COA1: variants seen among roughly 807,000 people sequenced by gnomAD.
The protein encoded by COA1 is cytochrome c oxidase assembly factor 1, also known as cytochrome c oxidase assembly factor 1 homolog.
Under a neutral mutation model 16.0 loss-of-function variants are expected in COA1, and 13 were observed. The observed-to-expected ratio is 0.81, with a 90% CI of 0.53 to 1.29. COA1 has a LOEUF of 1.29. COA1 is among the 50% of genes most tolerant of loss of function. COA1 has a pLI of 0.00. For synonymous variants in COA1, 65 were observed against 65.7 expected (o/e 0.99, Z 0.05); for missense variants, 179 against 177.0 (o/e 1.01, Z -0.06).
At chr7:43,666,536 A>G (rs565353677) in intron 1 of COA1, among the ~76,000 whole-genome samples, 2 of 152,248 alleles carry the variant, frequency 1.3e-5, no homozygotes, top group Non-Finnish European at 2.9e-5. Context: ...ATTGGCTTAA[A>G]GAAAAATAAG....
chr7:43,725,661 C>G (rs1171260496), intron 1 of COA1, among the ~76,000 whole-genome samples: 1 of 152,068 alleles, frequency 6.6e-6, no homozygotes, highest in Admixed American at 6.6e-5. Flanking sequence ...AGTTCCAGAC[C>G]AACCTAGCCA....
intron 1 of COA1, among the ~76,000 whole-genome samples, chr7:43,727,461 A>AC (rs575809406): frequency 1.1e-4 from 17 of 152,268 alleles, no homozygotes; most frequent in Non-Finnish European, 2.4e-4. Context: ...AAAAGGTGGA[A>AC]ACAATCCAAA....
chr7:43,682,971 C>T lies in COA1; in HGVS notation c.-38-34319G>A, dbSNP rs556953380. On this transcript the variant is annotated intron_variant, in intron 1 of 5. Transcript: ENST00000223336. ...TTCTAGTGATCTTGTGCCTCAGCCT[C>T]CTGAATAGCTGGGTTTACAGGTGCC... Among the ~76,000 whole-genome samples, 277 of 152,276 alleles carry T rather than the reference C, an allele frequency of 1.8e-3. 2 individuals carry two copies. The highest frequency in any genetic ancestry group is 6.1e-3 in the African/African-American group (255 of 41,558).
At chr7:43,696,047 G>A (rs1214969315) in intron 1 of COA1, among the ~76,000 whole-genome samples, 3 of 152,168 alleles carry the variant, frequency 2.0e-5, no homozygotes, top group Admixed American at 2.0e-4. Context: ...AATCACGGCG[G>A]AAGACAAGGA....
At chr7:43,659,390 A>G (rs2092192718) in intron 1 of COA1, among the ~76,000 whole-genome samples, 1 of 152,250 alleles carries the variant, frequency 6.6e-6, no homozygotes, top group Admixed American at 6.5e-5. Flanking sequence ...TGATTTCTAA[A>G]TCATTAGTCA....
chr7:43,681,010 C>T lies in COA1; in HGVS notation c.-38-32358G>A, dbSNP rs555837076. 5.9e-5 allele frequency among the ~76,000 whole-genome samples: 9 copies of T among 152,238 alleles called. No individual in the cohort carries two copies. In the South Asian group the frequency reaches 1.0e-3, roughly 18 times the overall value. ...CTTTTCAGCTCAAGAAAGTTTCCTT[C>T]TGCTTTTATATTTTGCTTCTGTTCC... On this transcript the variant is annotated intron_variant, in intron 1 of 5. Coordinates refer to ENST00000223336, the MANE Select transcript of COA1 (RefSeq NM_018224.4).
chr7:43,658,288 G>A (rs1175116946), intron 1 of COA1, among the ~76,000 whole-genome samples: 1 of 151,930 alleles, frequency 6.6e-6, no homozygotes, highest in Non-Finnish European at 1.5e-5. Context: ...GAACTTGAGA[G>A]GCAGAGCCTG....
intron 1 of COA1, among the ~76,000 whole-genome samples, chr7:43,661,310 G>A (rs1273469021): frequency 6.6e-6 from 1 of 152,180 alleles, no homozygotes; most frequent in African/African-American, 2.4e-5. Flanking sequence ...TACTAGATTT[G>A]TGGTAGGTAA....
rs544170687 is a variant in COA1, at chr7:43,717,709, T to C, written c.-39+11720A>G. 1.1e-4 allele frequency among the ~76,000 whole-genome samples: 16 copies of C among 152,124 alleles called. No individual in the cohort carries two copies. In the South Asian group the frequency reaches 2.9e-3, roughly 28 times the overall value. ...GGCAGGGGCCGGGGGGGGAACAATA[T>C]GGTTTGGCTCTATGTCCCTATTCAA... is the stretch of plus-strand genomic sequence containing the variant. On this transcript the variant is annotated intron_variant, in intron 1 of 5. Coordinates refer to ENST00000223336, the MANE Select transcript of COA1 (RefSeq NM_018224.4).
intron 1 of COA1, among the ~76,000 whole-genome samples, chr7:43,693,773 T>A (rs1346158979): frequency 1.3e-5 from 2 of 152,084 alleles, no homozygotes; most frequent in Non-Finnish European, 2.9e-5. Context: ...ACCCCAATCC[T>A]GGATAAATCC....
At chr7:43,617,993 G>GA (rs2083498862) in intron 6 of COA1, among the ~76,000 whole-genome samples, 1 of 152,124 alleles carries the variant, frequency 6.6e-6, no homozygotes, top group African/African-American at 2.4e-5. Flanking sequence ...GAGGGGTCCA[G>GA]AAAAAAGCAT....
At chr7:43,652,271 T>C (rs2090970989) in intron 1 of COA1, among the ~76,000 whole-genome samples, 2 of 152,142 alleles carry the variant, frequency 1.3e-5, no homozygotes. Context: ...AAATCAGCGC[T>C]TTGCCAAGCA....
At chr7:43,672,773 C>CAAAAA (rs34219718) in intron 1 of COA1, among the ~76,000 whole-genome samples, 1 of 100,826 alleles carries the variant, frequency 9.9e-6, no homozygotes, top group Non-Finnish European at 2.0e-5. Flanking sequence ...CATCTCAAAC[C>CAAAAA]AAAAAAAAAA....
chr7:43,645,654 C>T, intron 3 of COA1: 1 of 373,794 alleles, frequency 2.7e-6, no homozygotes, highest in Non-Finnish European at 5.0e-6. Context: ...CTTTCTGCTT[C>T]ACCTCATTTC....
chr7:43,715,866 G>A (rs1260761821), intron 1 of COA1, among the ~76,000 whole-genome samples: 4 of 152,178 alleles, frequency 2.6e-5, no homozygotes, highest in African/African-American at 9.7e-5. Flanking sequence ...CCCAGTGGGA[G>A]ATAATCGAAT....
intron 1 of COA1, among the ~76,000 whole-genome samples, chr7:43,671,668 C>T (rs1200999665): frequency 2.0e-5 from 3 of 152,288 alleles, no homozygotes; most frequent in East Asian, 1.9e-4. Context: ...TTGCAAACTA[C>T]GTGATATGGT....
At chr7:43,729,371 G>A (rs1317612222) in intron 1 of COA1, 58 bp downstream of exon 1, 1 of 152,388 alleles carries the variant, frequency 6.6e-6, no homozygotes, top group Non-Finnish European at 1.5e-5. Flanking sequence ...CCGAATTGCA[G>A]GAACAAACGC....
At chr7:43,676,762 T>C (rs747212949) in intron 1 of COA1, among the ~76,000 whole-genome samples, 5 of 152,076 alleles carry the variant, frequency 3.3e-5, no homozygotes, top group African/African-American at 4.8e-5. Flanking sequence ...AAATATCACA[T>C]TGTACCCCAT....
At chr7:43,709,843 T>G (rs1392403557) in intron 1 of COA1, among the ~76,000 whole-genome samples, 1 of 152,100 alleles carries the variant, frequency 6.6e-6, no homozygotes, top group Non-Finnish European at 1.5e-5. Flanking sequence ...TTAAAAAATA[T>G]CATAAAGCCA....
Sources: allele counts gnomAD v4.1 joint callset (sites outside exome capture counted in the v4.1 genomes callset), GRCh38; gene constraint gnomAD v4.1.1; transcripts MANE v1.5; gene names NCBI Gene and HGNC (gene_info 2026-07-23, HGNC 2026-07-21).